IARS1: variants seen among roughly 807,000 people sequenced by gnomAD.
The protein encoded by IARS1 is isoleucine--tRNA ligase, cytoplasmic.
IARS1 carries 124 observed loss-of-function variants against 168.2 expected under a neutral mutation model. That is an observed-to-expected ratio of 0.74 (90% confidence interval 0.64 to 0.86). The LOEUF (loss-of-function observed/expected upper bound fraction) is 0.86. Ranked by LOEUF, IARS1 falls within the 40% of genes least tolerant of loss-of-function variation. IARS1 has a pLI of 0.00. For missense variants in IARS1, 1,452 were observed against 1,515.8 expected, an observed-to-expected ratio of 0.96 and a Z score of 0.70; for synonymous variants, 532 against 529.4, an observed-to-expected ratio of 1.00 and a Z score of -0.07.
At chr9:92,223,034 A>G (rs978140077) in intron 32 of IARS1, among the ~76,000 whole-genome samples, 1 of 152,178 alleles carries the variant, frequency 6.6e-6, no homozygotes, top group Non-Finnish European at 1.5e-5. Context: ...TAAGGCATGG[A>G]GGTATAGAAG....
In IARS1 at chr9:92,281,330, T is replaced by C. The variant is rs140317445; in HGVS notation, c.598-437A>G. Among the ~76,000 whole-genome samples, 7 of 152,054 alleles carry C rather than the reference T, an allele frequency of 4.6e-5. No individual in the cohort carries two copies. In the East Asian group the frequency reaches 1.4e-3, roughly 29 times the overall value. The stretch of plus-strand genomic sequence containing the variant: ...TGTATTTTTAGTAGAGATGGGGTTA[T>C]TCCATGTTGGTTAGGCTGGTCTCAA... On this transcript the variant is annotated intron_variant, in intron 6 of 33. Transcript: ENST00000443024.
At chr9:92,263,328 C>T (rs1464459015) in intron 16 of IARS1, among the ~76,000 whole-genome samples, 2 of 152,158 alleles carry the variant, frequency 1.3e-5, no homozygotes, top group African/African-American at 2.4e-5. Flanking sequence ...CACATGGCAG[C>T]ACTGGGTGGC....
intron 30 of IARS1, among the ~76,000 whole-genome samples, chr9:92,233,012 A>C (rs958818939): frequency 6.6e-6 from 1 of 152,222 alleles, no homozygotes; most frequent in Non-Finnish European, 1.5e-5. Context: ...TTCTGACCTC[A>C]AGCTAACTTT....
chr9:92,236,801 T>A (rs185803220), intron 30 of IARS1, among the ~76,000 whole-genome samples: 3 of 152,148 alleles, frequency 2.0e-5, no homozygotes. Context: ...GTGAGCTGAG[T>A]TGGCATCACT....
chr9:92,285,909 T>C, intron 5 of IARS1, 70 bp from the exon 6 acceptor site: 1 of 902,018 alleles, frequency 1.1e-6, no homozygotes, highest in African/African-American at 1.7e-5. Context: ...ATTTATGCCA[T>C]TTTCTTTTTA....
chr9:92,250,478 T>C (rs1261222636), intron 23 of IARS1, among the ~76,000 whole-genome samples, 189 bp from the exon 24 acceptor site: 1 of 152,134 alleles, frequency 6.6e-6, no homozygotes, highest in East Asian at 1.9e-4. Flanking sequence ...GGAGCCCCCA[T>C]GGGGCATGCC....
rs1407018914 is a variant in IARS1, at chr9:92,271,549, G to A, written c.1097C>T (p.Ala366Val). 8 of 1,613,948 alleles carry A rather than the reference G, an allele frequency of 5.0e-6. No individual in the cohort carries two copies. Among genetic ancestry groups the A allele is most frequent in the Non-Finnish European group, 6.8e-6 (8 of 1,179,964 alleles). The change falls in exon 11 of 34, where the codon GCA (alanine) becomes GTA (valine). Residue 366 changes from alanine (A) to valine (V), a missense_variant. Physicochemically the swap from Ala to Val is moderately conservative, Grantham distance 64. Transcript: ENST00000443024. Reference protein sequence around the residue: ...GCFTTEVTDFAGQYVKDADKS... With the variant: ...GCFTTEVTDFVGQYVKDADKS... ...ATTACAGACCTTCACATACTGTCCT[G>A]CGAAATCTGTCACCTCCGTTGTGAA...
At chr9:92,249,078 C>A (rs1161181876) in intron 25 of IARS1, among the ~76,000 whole-genome samples, 2 of 152,066 alleles carry the variant, frequency 1.3e-5, no homozygotes, top group African/African-American at 2.4e-5. Context: ...TAATCAGAAA[C>A]CTAAATGTCA....
chr9:92,277,254 T>C (rs1051801835), intron 9 of IARS1, among the ~76,000 whole-genome samples: 4 of 152,136 alleles, frequency 2.6e-5, no homozygotes, highest in African/African-American at 7.2e-5. Flanking sequence ...CTGGCCAAGA[T>C]GGTGAAACCC....
chr9:92,219,452 A>C (rs1839312195), intron 33 of IARS1, among the ~76,000 whole-genome samples: 1 of 149,188 alleles, frequency 6.7e-6, no homozygotes, highest in Non-Finnish European at 1.5e-5. Context: ...TCTGCACAGC[A>C]AAAGAAACTA....
intron 17 of IARS1, 144 bp from the exon 18 acceptor site, chr9:92,260,378 G>A (rs553429976): frequency 1.1e-4 from 72 of 664,190 alleles, no homozygotes; most frequent in Middle Eastern, 7.4e-4. Flanking sequence ...CTAATAGGCC[G>A]GGCGCGGTGG....
intron 18 of IARS1, among the ~76,000 whole-genome samples, chr9:92,259,814 TG>T (rs1473846733): frequency 6.6e-6 from 1 of 152,098 alleles, no homozygotes; most frequent in African/African-American, 2.4e-5. Context: ...AAACAAATGA[TG>T]AAAGAGAATT....
Position 92,223,491 on chromosome 9 carries a change from T to C in IARS1, c.3410-2A>G, listed in dbSNP as rs779195840. On this transcript the variant is annotated splice_acceptor_variant, in intron 31 of 33. Coordinates refer to ENST00000443024, the MANE Select transcript of IARS1 (RefSeq NM_002161.6). LOFTEE classifies it high-confidence loss of function. ...GTAAGTCAGTTTGGTTTTGTATTTC[T>C]AAAAATAACAACAACAATTCTTTCA... The C allele has an allele frequency of 1.2e-6, 2 of 1,606,952 alleles. No individual in the cohort carries two copies. The highest frequency in any genetic ancestry group is 1.7e-5 in the Admixed American group (1 of 58,540).
At chr9:92,220,789 G>T (rs1564155255) in intron 33 of IARS1, among the ~76,000 whole-genome samples, 1 of 151,948 alleles carries the variant, frequency 6.6e-6, no homozygotes, top group African/African-American at 2.4e-5. Context: ...CTTATAGCAA[G>T]ACCCTGTCCC....
At chr9:92,289,660 T>G (rs1207524673) in intron 1 of IARS1, among the ~76,000 whole-genome samples, 1 of 152,124 alleles carries the variant, frequency 6.6e-6, no homozygotes, top group Non-Finnish European at 1.5e-5. Flanking sequence ...CAACCTCCCC[T>G]CCCCACCAAA....
chr9:92,285,369 C>T (rs1270920278), intron 6 of IARS1, among the ~76,000 whole-genome samples: 5 of 152,038 alleles, frequency 3.3e-5, no homozygotes, highest in African/African-American at 1.2e-4. Flanking sequence ...ATCATGAGGT[C>T]CCAGATAAGG....
intron 12 of IARS1, 148 bp from the exon 13 acceptor site, chr9:92,270,131 G>T: frequency 1.8e-6 from 1 of 546,064 alleles, no homozygotes; most frequent in Non-Finnish European, 3.3e-6. Flanking sequence ...AAACATCTAA[G>T]ACTTCAAAAT....
intron 28 of IARS1, chr9:92,242,660 G>A (rs1406397501): frequency 7.8e-6 from 2 of 256,400 alleles, no homozygotes; most frequent in East Asian, 8.7e-5. Context: ...CTCATCTGCT[G>A]GAACAGCCTC....
intron 30 of IARS1, among the ~76,000 whole-genome samples, chr9:92,240,123 T>G (rs938818094): frequency 2.0e-5 from 3 of 152,162 alleles, no homozygotes; most frequent in African/African-American, 7.2e-5. Context: ...CCTTACATCT[T>G]TGAGAGTCTT....
Sources: allele counts gnomAD v4.1 joint callset (sites outside exome capture counted in the v4.1 genomes callset), GRCh38; gene constraint gnomAD v4.1.1; transcripts MANE v1.5; gene names NCBI Gene and HGNC (gene_info 2026-07-23, HGNC 2026-07-21).